PRRX2: variants seen among roughly 807,000 people sequenced by gnomAD.
PRRX2 encodes the protein paired mesoderm homeobox protein 2.
A neutral mutation model predicts 18.0 loss-of-function variants in PRRX2; 11 were observed. The observed-to-expected ratio is 0.61, with a 90% confidence interval of 0.39 to 1.01. The LOEUF (loss-of-function observed/expected upper bound fraction) is 1.01, where lower values mean the gene tolerates loss of function less well. PRRX2 is among the 50% of genes least tolerant of loss of function. The pLI, the probability that PRRX2 is intolerant of heterozygous loss-of-function variation, is 0.01. For missense variants in PRRX2, 387 were observed against 351.0 expected, an observed-to-expected ratio of 1.10 and a Z score of -0.82; for synonymous variants, 177 against 154.8, an observed-to-expected ratio of 1.14 and a Z score of -1.06.
In PRRX2 at chr9:129,690,796, G is replaced by A. The variant is rs193265988; in HGVS notation, c.259+24670G>A. ...GCTGGGATTACAGGCATGAGCCACC[G>A]CGCCCAGCCAGTGCCAGCTCTTAAC... On this transcript the variant is annotated intron_variant, in intron 1 of 3. Coordinates refer to ENST00000372469, the MANE Select transcript of PRRX2 (RefSeq NM_016307.4). Among the ~76,000 whole-genome samples, 238 of 151,582 alleles carry A rather than the reference G, an allele frequency of 1.6e-3. 1 individual carries two copies. The highest frequency in any genetic ancestry group is 5.4e-3 in the African/African-American group (225 of 41,328).
chr9:129,669,934 C>T (rs1832079079), intron 1 of PRRX2, among the ~76,000 whole-genome samples: 1 of 151,516 alleles, frequency 6.6e-6, no homozygotes, highest in African/African-American at 2.4e-5. Flanking sequence ...TCGCCACCAC[C>T]ATCCATCTCC....
intron 1 of PRRX2, among the ~76,000 whole-genome samples, chr9:129,708,657 T>G (rs1462430901): frequency 3.3e-5 from 5 of 152,214 alleles, no homozygotes; most frequent in African/African-American, 1.2e-4. Flanking sequence ...ACAAAACTGT[T>G]TAGTTTTCAT....
intron 1 of PRRX2, among the ~76,000 whole-genome samples, chr9:129,684,072 G>A (rs556226532): frequency 2.8e-4 from 42 of 152,214 alleles, no homozygotes; most frequent in Non-Finnish European, 4.6e-4. Flanking sequence ...GATTCCTGAG[G>A]CAGGTCCACC....
In PRRX2 at chr9:129,709,189, G is replaced by A. The variant is rs1832590330; in HGVS notation, c.260-10042G>A. On this transcript the variant is annotated intron_variant, in intron 1 of 3. Transcript: ENST00000372469. The surrounding 1 kb of genome is among the most constrained non-coding windows in gnomAD (Gnocchi z 4.2). ...AGATACCAAGGCCCAGAGGTGGGAA[G>A]GTGCTTGTGCTCCCTTCCAGGGGCA... 1.3e-5 allele frequency among the ~76,000 whole-genome samples: 2 copies of A among 152,218 alleles called. No individual in the cohort carries two copies. The highest frequency in any genetic ancestry group is 3.8e-4 in the East Asian group (2 of 5,198).
intron 1 of PRRX2, among the ~76,000 whole-genome samples, chr9:129,688,488 C>T (rs1832320882): frequency 6.6e-6 from 1 of 152,176 alleles, no homozygotes. Context: ...GTCTCTGCCC[C>T]AGGTGCCTTC....
At chr9:129,697,314 C>T (rs1476673020) in intron 1 of PRRX2, among the ~76,000 whole-genome samples, 1 of 151,804 alleles carries the variant, frequency 6.6e-6, no homozygotes, top group Non-Finnish European at 1.5e-5. Context: ...GGGAGCGCTG[C>T]GTCCCGCTCC....
intron 1 of PRRX2, among the ~76,000 whole-genome samples, chr9:129,700,314 T>A (rs1333092627): frequency 5.4e-5 from 8 of 149,392 alleles, no homozygotes; most frequent in African/African-American, 2.0e-4. Context: ...GGGTGCTGTA[T>A]TTTTTTTTGG....
At chr9:129,679,754 G>T (rs1308635889) in intron 1 of PRRX2, among the ~76,000 whole-genome samples, 1 of 152,210 alleles carries the variant, frequency 6.6e-6, no homozygotes, top group Non-Finnish European at 1.5e-5. Context: ...AGGCAGGCGG[G>T]CTAGGGGCAG....
At chr9:129,672,758 C>T (rs572932686) in intron 1 of PRRX2, among the ~76,000 whole-genome samples, 27 of 152,222 alleles carry the variant, frequency 1.8e-4, no homozygotes, top group African/African-American at 5.1e-4. Context: ...CAGAAATAAC[C>T]GGAACGGCCT....
At chr9:129,683,884 A>G (rs2119065634) in intron 1 of PRRX2, among the ~76,000 whole-genome samples, 1 of 152,278 alleles carries the variant, frequency 6.6e-6, no homozygotes, top group East Asian at 1.9e-4. Context: ...AGGTAAGGCT[A>G]AAGCCCAGGA....
chr9:129,690,562 A>G (rs1338579933), intron 1 of PRRX2, among the ~76,000 whole-genome samples: 1 of 146,904 alleles, frequency 6.8e-6, no homozygotes, highest in African/African-American at 2.5e-5. Flanking sequence ...GCTGGAGTGC[A>G]GTGGTGCGAT....
At chr9:129,679,027 A>T (rs1180844488) in intron 1 of PRRX2, among the ~76,000 whole-genome samples, 1 of 152,140 alleles carries the variant, frequency 6.6e-6, no homozygotes, top group African/African-American at 2.4e-5. Context: ...TTAGAGCCAG[A>T]GGTGGGGCAG....
Position 129,722,322 on chromosome 9 carries a change from G to C in PRRX2, c.732G>C (p.Leu244=). Residue 244 remains leucine, a synonymous_variant, in exon 4 of 4, where the codon CTG becomes CTC. Coordinates refer to ENST00000372469, the MANE Select transcript of PRRX2 (RefSeq NM_016307.4). Reference sequence around the variant, plus strand: ...GTCTCAAGGCCAAGGAGTTCAGCCTGCACCACAGCCAGGTGCCTACGGTGA... The same window carrying C: ...GTCTCAAGGCCAAGGAGTTCAGCCTCCACCACAGCCAGGTGCCTACGGTGA... ...SLRLKAKEFS[L]HHSQVPTVN The C allele has an allele frequency of 6.2e-7, 1 of 1,614,010 alleles. No homozygotes were observed. Among genetic ancestry groups the C allele is most frequent in the Non-Finnish European group, 8.5e-7 (1 of 1,180,008 alleles).
Position 129,674,175 on chromosome 9 carries a change from G to T in PRRX2, c.259+8049G>T, listed in dbSNP as rs1423193577. Among the ~76,000 whole-genome samples, 4 of 152,128 alleles carry T rather than the reference G, an allele frequency of 2.6e-5. No homozygotes were observed. The East Asian group carries it at 7.7e-4, about 29-fold the overall frequency. ...GGTTGCTCTCGCTGCCCTGAGCCCGGGTCCAGCTGCCCTGCTCTGTGTCCC... is the reference window on the plus strand; with the variant it reads ...GGTTGCTCTCGCTGCCCTGAGCCCGTGTCCAGCTGCCCTGCTCTGTGTCCC... On this transcript the variant is annotated intron_variant, in intron 1 of 3. Coordinates refer to ENST00000372469, the MANE Select transcript of PRRX2 (RefSeq NM_016307.4).
Position 129,675,325 on chromosome 9 carries a change from C to T in PRRX2, c.259+9199C>T, listed in dbSNP as rs1832151017. 2.0e-5 allele frequency among the ~76,000 whole-genome samples: 3 copies of T among 152,186 alleles called. No individual in the cohort carries two copies. The highest frequency in any genetic ancestry group is 2.4e-5 in the African/African-American group (1 of 41,452). ...GTACCAGCCCAAGGCAGCCCAGGGG[C>T]GTGGAATGCAGGGGTGATGTGATAG... is the stretch of plus-strand genomic sequence containing the variant. On this transcript the variant is annotated intron_variant, in intron 1 of 3. Coordinates refer to ENST00000372469, the MANE Select transcript of PRRX2 (RefSeq NM_016307.4). The surrounding 1 kb of genome is among the most constrained non-coding windows in gnomAD (Gnocchi z 4.4).
chr9:129,667,577 CAG>C (rs1832041692), intron 1 of PRRX2, among the ~76,000 whole-genome samples: 7 of 151,160 alleles, frequency 4.6e-5, no homozygotes, highest in Admixed American at 4.0e-4. Flanking sequence ...GGAGGAGAGA[CAG>C]AGGAAGAGGA....
At chr9:129,681,124 G>A (rs1832224068) in intron 1 of PRRX2, among the ~76,000 whole-genome samples, 1 of 152,200 alleles carries the variant, frequency 6.6e-6, no homozygotes, top group Admixed American at 6.5e-5. Flanking sequence ...CCCGGGCTCC[G>A]GCAAAGCTGG....
intron 1 of PRRX2, among the ~76,000 whole-genome samples, chr9:129,696,933 C>G (rs886391690): frequency 2.0e-5 from 3 of 152,170 alleles, no homozygotes; most frequent in Admixed American, 1.3e-4. Flanking sequence ...TCCGATAGAC[C>G]AGCTGAATGG....
chr9:129,717,695 C>CAAAAAAAAAAAAAAAAAAA (rs568330077), intron 1 of PRRX2, among the ~76,000 whole-genome samples: 1 of 82,520 alleles, frequency 1.2e-5, no homozygotes, highest in Non-Finnish European at 2.6e-5. Flanking sequence ...GACTCCGCCT[C>CAAAAAAAAAAAAAAAAAAA]AAAAAAAAAA....
Sources: allele counts gnomAD v4.1 joint callset (sites outside exome capture counted in the v4.1 genomes callset), GRCh38; gene constraint gnomAD v4.1.1; non-coding constraint Gnocchi (gnomAD v3.1); transcripts MANE v1.5; gene names NCBI Gene and HGNC (gene_info 2026-07-23, HGNC 2026-07-21).